TRPM1: variants seen among roughly 807,000 people sequenced by gnomAD.
TRPM1 encodes the protein transient receptor potential cation channel subfamily M member 1.
A neutral mutation model predicts 149.4 loss-of-function variants in TRPM1; 113 were observed. The ratio of observed to expected loss-of-function variants is 0.76; its 90% confidence interval spans 0.65 to 0.88. The LOEUF (loss-of-function observed/expected upper bound fraction) is 0.88, where lower values mean the gene tolerates loss of function less well. Among genes scored for constraint, TRPM1 ranks in the 40% least tolerant of loss-of-function variants. The probability of loss-of-function intolerance (pLI) is 0.00; values close to 1 mark genes in which losing one functional copy is unlikely to be tolerated. For synonymous variants in TRPM1, 741 were observed against 759.5 expected (o/e 0.98, Z 0.40); for missense variants, 1,976 against 2,038.7 (o/e 0.97, Z 0.59).
intron 2 of TRPM1, among the ~76,000 whole-genome samples, chr15:31,079,513 C>T (rs749608213): frequency 6.6e-6 from 1 of 152,226 alleles, no homozygotes; most frequent in East Asian, 1.9e-4. Flanking sequence ...CCTCTGAGTG[C>T]GCAAGCAAAA....
chr15:31,060,800 C>T (rs952355810), intron 10 of TRPM1, among the ~76,000 whole-genome samples, 156 bp from the exon 11 acceptor site: 2 of 152,198 alleles, frequency 1.3e-5, no homozygotes, highest in African/African-American at 2.4e-5. Context: ...ACAAAGGCTC[C>T]GAGCTGAAAG....
chr15:31,133,965 A>G (rs563546851), intron 1 of TRPM1, among the ~76,000 whole-genome samples: 1 of 152,332 alleles, frequency 6.6e-6, no homozygotes, highest in Non-Finnish European at 1.5e-5. Context: ...CCATGGGAGT[A>G]GCTCTTTAAG....
intron 1 of TRPM1, among the ~76,000 whole-genome samples, chr15:31,150,368 G>A (rs950275466): frequency 6.6e-6 from 1 of 151,940 alleles, no homozygotes; most frequent in Admixed American, 6.6e-5. Flanking sequence ...CCCCTTAAGA[G>A]GAGAAAAGAA....
chr15:31,070,965 G>A (rs2140968400), intron 3 of TRPM1, among the ~76,000 whole-genome samples: 1 of 152,282 alleles, frequency 6.6e-6, no homozygotes, highest in South Asian at 2.1e-4. Context: ...TGGACAGATG[G>A]CCCATTGGGC....
At chr15:31,158,399 G>A (rs530199573) in intron 1 of TRPM1, among the ~76,000 whole-genome samples, 9 of 152,152 alleles carry the variant, frequency 5.9e-5, no homozygotes, top group Non-Finnish European at 1.0e-4. Context: ...AGGCCGGAGC[G>A]GGCAGATCAC....
chr15:31,108,760 C>A (rs112365407), intron 1 of TRPM1, among the ~76,000 whole-genome samples: 3,634 of 152,320 alleles, frequency 0.024, 159 homozygotes, highest in African/African-American at 0.084. Flanking sequence ...TCCCAAAGTA[C>A]TGGGATTATA....
rs2034262564 is a variant in TRPM1 at position 31,062,598 on chromosome 15, C to T, written c.1070G>A (p.Cys357Tyr). The T allele has an allele frequency of 6.2e-7, 1 of 1,614,160 alleles. No individual in the cohort carries two copies. The highest frequency in any genetic ancestry group is 8.5e-7 in the Non-Finnish European group (1 of 1,180,022). The stretch of plus-strand genomic sequence containing the variant: ...ACTTACGAGTTCTTTCTTCTTCATG[C>T]ACTCCATTATAATTGCAAACAGCTG... ...SHQLFAIIMECMKKKELVTVF... is the reference protein window; with the variant it reads ...SHQLFAIIMEYMKKKELVTVF... Residue 357 changes from cysteine (C) to tyrosine (Y), a missense_variant, in exon 9 of 28, where the codon TGC becomes TAC. By Grantham distance (194) the Cys-to-Tyr change is radical. Around this residue, in one of 3 missense-constraint regions of TRPM1, gnomAD observed 1,332 missense variants for 1,347.1 expected, o/e 0.99. Coordinates refer to ENST00000256552, the MANE Select transcript of TRPM1 (RefSeq NM_001252024.2).
intron 1 of TRPM1, among the ~76,000 whole-genome samples, chr15:31,136,607 C>G (rs931924720): frequency 2.6e-5 from 4 of 152,220 alleles, no homozygotes; most frequent in African/African-American, 9.6e-5. Context: ...CTTCAATCAG[C>G]ATGATAATAA....
upstream of TRPM1, among the ~76,000 whole-genome samples, chr15:31,105,480 C>CGT (rs1567058557): frequency 6.7e-6 from 1 of 149,892 alleles, no homozygotes; most frequent in Non-Finnish European, 1.5e-5. Context: ...TGTGCGCGCG[C>CGT]GCGCGCGTGC....
At chr15:31,102,337 G>A (rs934079563), upstream of TRPM1, among the ~76,000 whole-genome samples, 1 of 152,224 alleles carries the variant, frequency 6.6e-6, no homozygotes, top group Non-Finnish European at 1.5e-5. Context: ...AGTATGCGTG[G>A]TTATTCCAGC....
rs1273509901 is a variant in TRPM1, at chr15:31,037,807, A to T, written c.2475T>A (p.Asp825Glu). 2 of 1,614,066 alleles carry T rather than the reference A, an allele frequency of 1.2e-6. No homozygotes were observed. Among genetic ancestry groups the T allele is most frequent in the Non-Finnish European group, 1.7e-6 (2 of 1,180,042 alleles). Reference sequence around the variant, plus strand: ...TCTGTTTTTTGTGCTCGTTCTCCTCATCCCCCTTTCTTGAGCCAGCATCTG... The same window carrying T: ...TCTGTTTTTTGTGCTCGTTCTCCTCTTCCCCCTTTCTTGAGCCAGCATCTG... ...ANADAGSRKG[D>E]EENEHKKQRS... Residue 825 changes from aspartate (D) to glutamate (E), a missense_variant, in exon 20 of 28, where the codon GAT becomes GAA. Transcript: ENST00000256552.
chr15:31,127,304 G>A (rs1294243921), intron 1 of TRPM1, among the ~76,000 whole-genome samples: 1 of 152,162 alleles, frequency 6.6e-6, no homozygotes, highest in Non-Finnish European at 1.5e-5. Context: ...CTGCCATCTG[G>A]GTGCAATTCA....
At chr15:31,031,209 C>T in intron 22 of TRPM1, 52 bp from the exon 23 acceptor site, 3 of 1,597,132 alleles carry the variant, frequency 1.9e-6, no homozygotes, top group Non-Finnish European at 2.6e-6. Context: ...GGGCCAAGTT[C>T]ACCCTGGCTC....
chr15:31,040,441 A>G lies in TRPM1; in HGVS notation c.2088-95T>C, dbSNP rs535499646. The G allele has an allele frequency of 1.1e-4, 110 of 1,017,762 alleles. No homozygotes were observed. The South Asian group carries it at 1.4e-3, about 13-fold the overall frequency. 63.0% of individuals were successfully genotyped at this position (1,017,762 alleles called of 1,614,324 possible). ...CACCAAGGACTTATGGAGCCACGGG[A>G]CACAGTATCCTTCACTGGAGGGGCT... On this transcript the variant is annotated intron_variant, in intron 17 of 27. Transcript: ENST00000256552. The surrounding 1 kb of genome is among the most constrained non-coding windows in gnomAD (Gnocchi z 4.2).
intron 27 of TRPM1, among the ~76,000 whole-genome samples, chr15:31,009,612 T>C (rs1288232241): frequency 6.6e-6 from 1 of 152,146 alleles, no homozygotes; most frequent in Non-Finnish European, 1.5e-5. Flanking sequence ...AGGTTTTCAG[T>C]GATTTCTTCA....
At chr15:31,086,559 G>A (rs544803794) in intron 1 of TRPM1, among the ~76,000 whole-genome samples, 1 of 152,284 alleles carries the variant, frequency 6.6e-6, no homozygotes, top group African/African-American at 2.4e-5. Context: ...CCTGGCTTCT[G>A]GGTGCCTGTG....
intron 1 of TRPM1, among the ~76,000 whole-genome samples, chr15:31,099,042 T>C (rs1046568524): frequency 6.6e-6 from 1 of 152,204 alleles, no homozygotes; most frequent in Admixed American, 6.5e-5. Context: ...GATACTAATA[T>C]GTGCTTTCTA....
chr15:31,098,632 C>T (rs2035445907), intron 1 of TRPM1, among the ~76,000 whole-genome samples: 1 of 152,158 alleles, frequency 6.6e-6, no homozygotes, highest in Admixed American at 6.5e-5. Flanking sequence ...GAGGAGCAAG[C>T]TTTCCACCTC....
intron 1 of TRPM1, among the ~76,000 whole-genome samples, chr15:31,133,982 G>A (rs2036054773): frequency 6.6e-6 from 1 of 152,162 alleles, no homozygotes; most frequent in South Asian, 2.1e-4. Flanking sequence ...TAAGACAGAG[G>A]TGACCCAAGT....
Sources: gnomAD v4.1 joint callset for allele counts (sites outside exome capture counted in the v4.1 genomes callset) on GRCh38, gnomAD v4.1.1 for gene constraint, gnomAD v4.1.1 regional missense constraint, Gnocchi (gnomAD v3.1) non-coding constraint, MANE v1.5 for transcripts, NCBI Gene and HGNC (gene_info 2026-07-23, HGNC 2026-07-21) for gene names.